Variants in KCNQ3 observed in about 807,000 individuals in gnomAD.
KCNQ3 encodes the protein potassium voltage-gated channel subfamily KQT member 3.
A neutral mutation model predicts 92.5 loss-of-function variants in KCNQ3; 30 were observed. The observed-to-expected ratio is 0.32, with a 90% CI of 0.24 to 0.44. KCNQ3 has a LOEUF of 0.44. Ranked by LOEUF, KCNQ3 falls within the 20% of genes least tolerant of loss-of-function variation. KCNQ3 has a pLI of 1.00. For missense variants in KCNQ3, 913 were observed against 1,140.3 expected (o/e 0.80, Z 2.87); for synonymous variants, 450 against 468.8 (o/e 0.96, Z 0.52).
At chr8:132,417,055 C>A (rs1245859345) in intron 1 of KCNQ3, among the ~76,000 whole-genome samples, 3 of 152,138 alleles carry the variant, frequency 2.0e-5, no homozygotes, top group Non-Finnish European at 2.9e-5. Context: ...TCCTTCTGCC[C>A]AAAGAAACTG....
chr8:132,264,601 C>T (rs1234964157), intron 1 of KCNQ3, among the ~76,000 whole-genome samples: 10 of 152,274 alleles, frequency 6.6e-5, no homozygotes, highest in Admixed American at 2.0e-4. Flanking sequence ...TCATAAAACA[C>T]GACATGTGCC....
At chr8:132,181,282 C>G (rs992685647) in intron 3 of KCNQ3, among the ~76,000 whole-genome samples, 1 of 152,160 alleles carries the variant, frequency 6.6e-6, no homozygotes, top group African/African-American at 2.4e-5. Context: ...ATTATCACCC[C>G]ACTTTCCTGC....
At chr8:132,289,773 C>A (rs996424612) in intron 1 of KCNQ3, among the ~76,000 whole-genome samples, 31 of 152,084 alleles carry the variant, frequency 2.0e-4, no homozygotes, top group African/African-American at 7.5e-4. Context: ...CTGTAAAGCT[C>A]CAAGATAAGT....
At chr8:132,324,886 A>G (rs1817995682) in intron 1 of KCNQ3, among the ~76,000 whole-genome samples, 1 of 152,076 alleles carries the variant, frequency 6.6e-6, no homozygotes, top group Admixed American at 6.5e-5. Context: ...ACTCAGCTCC[A>G]CTGAGTTCTA....
chr8:132,371,031 C>T (rs1176105892), intron 1 of KCNQ3, among the ~76,000 whole-genome samples: 2 of 152,206 alleles, frequency 1.3e-5, no homozygotes, highest in Non-Finnish European at 2.9e-5. Flanking sequence ...CCCCATTTTG[C>T]AAATCCTTGG....
chr8:132,401,969 C>CA (rs201712132), intron 1 of KCNQ3, among the ~76,000 whole-genome samples: 85,173 of 151,652 alleles, frequency 0.56, 25,522 homozygotes, highest in South Asian at 0.73. Context: ...CTGGTGCAGT[C>CA]GGGCAGTTGC....
chr8:132,147,272 A>C (rs1273883517), intron 9 of KCNQ3, among the ~76,000 whole-genome samples: 1 of 152,190 alleles, frequency 6.6e-6, no homozygotes, highest in Non-Finnish European at 1.5e-5. Flanking sequence ...AAAGATTGAT[A>C]AATAACCACC....
In KCNQ3 at chr8:132,217,936, G is replaced by A. The variant is rs536018009; in HGVS notation, c.387-31755C>T. On this transcript the variant is annotated intron_variant, in intron 1 of 14. Transcript: ENST00000388996. ...TGCAAATGGCCCTGCCAGGCTCCTCGAAAAACAGTTTGTTCTCCTAAGGAG... is the reference window on the plus strand; with the variant it reads ...TGCAAATGGCCCTGCCAGGCTCCTCAAAAAACAGTTTGTTCTCCTAAGGAG... Among the ~76,000 whole-genome samples, 4 of 152,248 alleles carry A rather than the reference G, an allele frequency of 2.6e-5. No homozygotes were observed. The East Asian group carries it at 5.8e-4, about 22-fold the overall frequency.
At chr8:132,271,721 C>T (rs974133403) in intron 1 of KCNQ3, among the ~76,000 whole-genome samples, 1 of 152,160 alleles carries the variant, frequency 6.6e-6, no homozygotes, top group Non-Finnish European at 1.5e-5. Context: ...ACCATCTCTC[C>T]ACCCTCCATA....
rs116220159 is a variant in KCNQ3 at position 132,237,342 on chromosome 8, T to C, written c.387-51161A>G. On this transcript the variant is annotated intron_variant, in intron 1 of 14. Transcript: ENST00000388996. ...ATCTACTCTGTGTTCCAGGCATTGT[T>C]TTCAGTGCTGTGCATATAATATGTC... Among the ~76,000 whole-genome samples the C allele has an allele frequency of 3.5e-3, 537 of 152,322 alleles. 2 individuals carry two copies. Among genetic ancestry groups the C allele is most frequent in the African/African-American group, 0.012 (508 of 41,586 alleles).
chr8:132,134,503 A>T, intron 12 of KCNQ3, 115 bp from the exon 13 acceptor site: 1 of 691,710 alleles, frequency 1.4e-6, no homozygotes, highest in Non-Finnish European at 2.5e-6. Flanking sequence ...ATAAGAGGAG[A>T]GGAGAGGAGA....
At chr8:132,262,962 G>A (rs1006935387) in intron 1 of KCNQ3, among the ~76,000 whole-genome samples, 7 of 152,264 alleles carry the variant, frequency 4.6e-5, no homozygotes, top group African/African-American at 1.7e-4. Flanking sequence ...TCTCATTTCA[G>A]TCAAGGGACC....
At chr8:132,196,867 T>C (rs1353396031) in intron 1 of KCNQ3, among the ~76,000 whole-genome samples, 1 of 152,200 alleles carries the variant, frequency 6.6e-6, no homozygotes, top group Non-Finnish European at 1.5e-5. Flanking sequence ...CATCTGTAAA[T>C]AGGGATGAAA....
At chr8:132,360,391 T>C (rs554513670) in intron 1 of KCNQ3, among the ~76,000 whole-genome samples, 1 of 152,324 alleles carries the variant, frequency 6.6e-6, no homozygotes, top group East Asian at 1.9e-4. Context: ...GGCTTGTTTG[T>C]TGATGACCCA....
intron 1 of KCNQ3, among the ~76,000 whole-genome samples, chr8:132,291,165 G>T (rs924261342): frequency 6.6e-6 from 1 of 152,134 alleles, no homozygotes. Flanking sequence ...ATAGTTTTGG[G>T]GATTCACAGA....
chr8:132,137,455 A>G (rs1442885615), intron 12 of KCNQ3, among the ~76,000 whole-genome samples: 2 of 152,214 alleles, frequency 1.3e-5, no homozygotes, highest in African/African-American at 2.4e-5. Flanking sequence ...GATGGCAATT[A>G]TTAGTTAGGC....
rs117097201 is a variant in KCNQ3 at position 132,390,797 on chromosome 8, C to T, written c.386+89350G>A. On this transcript the variant is annotated intron_variant, in intron 1 of 14. Coordinates refer to ENST00000388996, the MANE Select transcript of KCNQ3 (RefSeq NM_004519.4). ...TATTTACCGGCACATTTTAAGTACCCGATCAGCATTAGACTGGTATCTTTA... is the reference window on the plus strand; with the variant it reads ...TATTTACCGGCACATTTTAAGTACCTGATCAGCATTAGACTGGTATCTTTA... 7.2e-5 allele frequency among the ~76,000 whole-genome samples: 11 copies of T among 152,292 alleles called. No individual in the cohort carries two copies. In the East Asian group the frequency reaches 1.7e-3, roughly 24 times the overall value.
chr8:132,417,740 G>A (rs778642225), intron 1 of KCNQ3, among the ~76,000 whole-genome samples: 3 of 152,300 alleles, frequency 2.0e-5, no homozygotes, highest in South Asian at 2.1e-4. Flanking sequence ...GGATATGTCC[G>A]TGAACAAAAC....
At chr8:132,282,264 G>GT (rs1586892933) in intron 1 of KCNQ3, among the ~76,000 whole-genome samples, 1 of 152,276 alleles carries the variant, frequency 6.6e-6, no homozygotes, top group East Asian at 1.9e-4. Flanking sequence ...TCCTCTGAGA[G>GT]TTTCTCTTCC....
Sources: allele counts gnomAD v4.1 joint callset (sites outside exome capture counted in the v4.1 genomes callset), GRCh38; gene constraint gnomAD v4.1.1; transcripts MANE v1.5; gene names NCBI Gene and HGNC (gene_info 2026-07-23, HGNC 2026-07-21).